The following C1orf50 variants were observed in gnomAD, a reference collection of about 807,000 sequenced individuals.
The protein encoded by C1orf50 is chromosome 1 open reading frame 50, also known as uncharacterized protein C1orf50.
C1orf50 carries 22 observed loss-of-function variants against 23.3 expected under a neutral mutation model. The observed-to-expected ratio is 0.94, with a 90% CI of 0.67 to 1.35. C1orf50 has a LOEUF of 1.35. C1orf50 is among the 40% of genes most tolerant of loss of function. C1orf50 has a pLI of 0.00. For missense variants in C1orf50, 271 were observed against 249.4 expected (o/e 1.09, Z -0.58); for synonymous variants, 96 against 102.4 (o/e 0.94, Z 0.38).
rs1194244463 is a variant in C1orf50, at chr1:42,775,190, C to T, written c.415-19C>T. On this transcript the variant is annotated intron_variant, in intron 4 of 4. Transcript: ENST00000372525. ...TTACAACCCACGCTGATGGGAACTG[C>T]CTCCTTTGCCTTCTCTAGGAATGGG... 1 of 1,582,874 alleles carries T rather than the reference C, an allele frequency of 6.3e-7. No individual in the cohort carries two copies. The highest frequency in any genetic ancestry group is 8.7e-7 in the Non-Finnish European group (1 of 1,154,422).
chr1:42,768,153 TG>T (rs1653127385), intron 2 of C1orf50, among the ~76,000 whole-genome samples: 1 of 152,172 alleles, frequency 6.6e-6, no homozygotes, highest in Admixed American at 6.5e-5. Context: ...TGTGAAATAA[TG>T]GAAAAAACAC....
At chr1:42,773,174 T>C (rs1653260128) in intron 2 of C1orf50, 1 of 155,056 alleles carries the variant, frequency 6.4e-6, no homozygotes, top group African/African-American at 2.4e-5. Context: ...GTGTGGTGTT[T>C]GTTAGGTAAA....
At chr1:42,768,818 C>G (rs901879451) in intron 2 of C1orf50, among the ~76,000 whole-genome samples, 1 of 152,022 alleles carries the variant, frequency 6.6e-6, no homozygotes, top group African/African-American at 2.4e-5. Context: ...AGAAAGAACA[C>G]AGTTTTTGTC....
Position 42,775,271 on chromosome 1 carries a change from C to G in C1orf50, c.477C>G (p.Ser159=). The stretch of plus-strand genomic sequence containing the variant: ...CCTACAAACTACAGCATGACTTGTC[C>G]TGGACTCCGTATGAGGACATTGAGA... ...LGAYKLQHDL[S]WTPYEDIEKQ... Residue 159 remains serine (S), a synonymous_variant, in exon 5 of 5, where the codon TCC becomes TCG. Coordinates refer to ENST00000372525, the MANE Select transcript of C1orf50 (RefSeq NM_024097.4). The G allele has an allele frequency of 6.2e-7, 1 of 1,612,522 alleles. No individual in the cohort carries two copies.
chr1:42,779,388 A>T lies in C1orf50; in HGVS notation c.*3994A>T, dbSNP rs1480970621. ...CAAGACTCCATCTCAAAAAAAAAAA[A>T]AAAAGAATCATAACATAGCATCTTA... On this transcript the variant is annotated 3_prime_UTR_variant, in exon 5 of 5. Coordinates refer to ENST00000372525, the MANE Select transcript of C1orf50 (RefSeq NM_024097.4). The T allele has an allele frequency of 6.6e-6, 1 of 152,124 alleles. No homozygotes were observed. Among genetic ancestry groups the T allele is most frequent in the African/African-American group, 2.4e-5 (1 of 41,418 alleles). 9.4% of individuals were successfully genotyped at this position (152,124 alleles called of 1,614,324 possible). A position where few individuals can be genotyped will look rare whatever the true frequency, so the allele number is the denominator to read the frequency against.
chr1:42,776,721 A>T lies in C1orf50; in HGVS notation c.*1327A>T, dbSNP rs1653347671. The T allele has an allele frequency of 6.6e-6, 1 of 152,234 alleles. No individual in the cohort carries two copies. Among genetic ancestry groups the T allele is most frequent in the Non-Finnish European group, 1.5e-5 (1 of 68,060 alleles). The allele number at this position is 152,234 out of a possible 1,614,324, so 9.4% of individuals were successfully genotyped here. A position where few individuals can be genotyped will look rare whatever the true frequency, so the allele number is the denominator to read the frequency against. The stretch of plus-strand genomic sequence containing the variant: ...GAATGCTCTTTGGACTCAGCTGCAG[A>T]GGTCTTTTGCTCAGGTGCTGCAGAG... On this transcript the variant is annotated 3_prime_UTR_variant, in exon 5 of 5. Transcript: ENST00000372525.
chr1:42,775,121 CA>C lies in C1orf50; in HGVS notation c.415-82del. 4.6e-6 allele frequency: 6 copies of C among 1,311,572 alleles called. No individual in the cohort carries two copies. The South Asian group carries it at 5.7e-5, about 13-fold the overall frequency. 81.2% of individuals were successfully genotyped at this position (1,311,572 alleles called of 1,614,324 possible). On this transcript the variant is annotated intron_variant, in intron 4 of 4. Coordinates refer to ENST00000372525, the MANE Select transcript of C1orf50 (RefSeq NM_024097.4). ...TTCTGACTAGTATGAAGTGAAAAGC[CA>C]AAAAAGAGATTGTGGCATGATTAGG...
chr1:42,774,838 T>C lies in C1orf50; in HGVS notation c.384T>C (p.Gly128=). The C allele has an allele frequency of 6.2e-7, 1 of 1,612,946 alleles. No individual in the cohort carries two copies. Among genetic ancestry groups the C allele is most frequent in the South Asian group, 1.1e-5 (1 of 91,066 alleles). The change falls in exon 4 of 5, where the codon GGT becomes GGC. Residue 128 remains glycine, a synonymous_variant. Coordinates refer to ENST00000372525, the MANE Select transcript of C1orf50 (RefSeq NM_024097.4). ...NIYYLYKRES[G]QQYFSIISPK... is the part of the protein sequence containing the mutation. The stretch of plus-strand genomic sequence containing the variant: ...ACTATCTCTATAAACGGGAGAGTGG[T>C]CAGCAGTATTTTTCCATCATTTCTC...
At chr1:42,772,792 A>G (rs921411270) in intron 2 of C1orf50, among the ~76,000 whole-genome samples, 2 of 148,226 alleles carry the variant, frequency 1.3e-5, no homozygotes, top group Non-Finnish European at 3.0e-5. Context: ...AAAAAAAAAA[A>G]TGTCCATTGC....
At position 42,779,276 on chromosome 1, in the gene C1orf50, C is replaced by G. The variant is rs1570498212; in HGVS notation, c.*3882C>G. The G allele has an allele frequency of 6.6e-6, 1 of 151,428 alleles. No homozygotes were observed. The highest frequency in any genetic ancestry group is 6.6e-5 in the Admixed American group (1 of 15,178). 9.4% of individuals were successfully genotyped at this position (151,428 alleles called of 1,614,324 possible). A position where few individuals can be genotyped will look rare whatever the true frequency, so the allele number is the denominator to read the frequency against. On this transcript the variant is annotated 3_prime_UTR_variant, in exon 5 of 5. Coordinates refer to ENST00000372525, the MANE Select transcript of C1orf50 (RefSeq NM_024097.4). ...CCTGTAATCCCAGCTACTCGGGAGG[C>G]TGAGGCAGGAGAATGTCGTGAACCT... is the stretch of plus-strand genomic sequence containing the variant.
At chr1:42,772,595 A>G (rs539893328) in intron 2 of C1orf50, among the ~76,000 whole-genome samples, 55 of 152,276 alleles carry the variant, frequency 3.6e-4, no homozygotes, top group African/African-American at 1.3e-3. Flanking sequence ...AGCCTGGACA[A>G]CATGGTGAAA....
At chr1:42,771,615 TATTTC>T (rs1158343914) in intron 2 of C1orf50, among the ~76,000 whole-genome samples, 1 of 152,104 alleles carries the variant, frequency 6.6e-6, no homozygotes, top group Non-Finnish European at 1.5e-5. Context: ...AAATGCAAAA[TATTTC>T]ATTAACAACT....
chr1:42,771,533 G>T (rs1485295321), intron 2 of C1orf50, among the ~76,000 whole-genome samples: 1 of 152,064 alleles, frequency 6.6e-6, no homozygotes, highest in Non-Finnish European at 1.5e-5. Flanking sequence ...ACTATATTTT[G>T]AAGGCTTAAT....
At chr1:42,773,260 A>G (rs539977335) in intron 2 of C1orf50, 2 of 215,666 alleles carry the variant, frequency 9.3e-6, no homozygotes, top group East Asian at 1.2e-4. Context: ...AGAAAGAGAG[A>G]AGGCATGCTG....
chr1:42,777,423 T>G lies in C1orf50; in HGVS notation c.*2029T>G, dbSNP rs1482351588. ...TTTCAATTCCACAAGGGTTGCTGGC[T>G]TCCGGGGTTCCACTAGCTGACTGTT... On this transcript the variant is annotated 3_prime_UTR_variant, in exon 5 of 5. Transcript: ENST00000372525. 1 of 152,298 alleles carries G rather than the reference T, an allele frequency of 6.6e-6. No individual in the cohort carries two copies. Among genetic ancestry groups the G allele is most frequent in the East Asian group, 1.9e-4 (1 of 5,202 alleles). The allele number at this position is 152,298 out of a possible 1,614,324, so 9.4% of individuals were successfully genotyped here. A position where few individuals can be genotyped will look rare whatever the true frequency, so the allele number is the denominator to read the frequency against.
chr1:42,774,656 C>A (rs1653296242), intron 3 of C1orf50, 81 bp from the exon 4 acceptor site: 1 of 1,494,840 alleles, frequency 6.7e-7, no homozygotes, highest in Non-Finnish European at 9.0e-7. Flanking sequence ...GAATGGTTTC[C>A]AAATTTTAAT....
Position 42,774,745 on chromosome 1 carries a change from A to G in C1orf50, c.291A>G (p.Glu97=). The part of the protein sequence containing the change: ...HLQEQARKVL[E]DAHRDANLHH... ...ATATCTGTGATTCATAGGTACTGGA[A>G]GATGCTCACAGAGATGCCAACCTGC... The change falls in exon 4 of 5, where the codon GAA becomes GAG. Residue 97 remains glutamate (E), a synonymous_variant. Transcript: ENST00000372525. 1 of 1,610,872 alleles carries G rather than the reference A, an allele frequency of 6.2e-7. No individual in the cohort carries two copies. Among genetic ancestry groups the G allele is most frequent in the Non-Finnish European group, 8.5e-7 (1 of 1,177,452 alleles).
In C1orf50 at chr1:42,778,695, G is replaced by GA. The variant is rs34636426; in HGVS notation, c.*3307dup. Reference sequence around the variant, plus strand: ...CTAGGAGATAGTTGAAGACAGGGAGGAAAAAACATTCCAGACAAAAAATAA... The same window carrying GA: ...CTAGGAGATAGTTGAAGACAGGGAGGAAAAAAACATTCCAGACAAAAAATAA... On this transcript the variant is annotated 3_prime_UTR_variant, in exon 5 of 5. Transcript: ENST00000372525. The GA allele has an allele frequency of 0.33, 50,177 of 151,912 alleles. 8,790 individuals are homozygous for GA. Among genetic ancestry groups the GA allele is most frequent in the East Asian group, 0.65 (3,349 of 5,168 alleles). 9.4% of individuals were successfully genotyped at this position (151,912 alleles called of 1,614,324 possible).
At position 42,777,966 on chromosome 1, in the gene C1orf50, A is replaced by G. The variant is rs1653372824; in HGVS notation, c.*2572A>G. The stretch of plus-strand genomic sequence containing the variant: ...TCTCCCTCACTCTTGACATTTCCTA[A>G]CCTAAAGAGTGGGAGAGTAGTGATT... On this transcript the variant is annotated 3_prime_UTR_variant, in exon 5 of 5. Coordinates refer to ENST00000372525, the MANE Select transcript of C1orf50 (RefSeq NM_024097.4). 1 of 151,870 alleles carries G rather than the reference A, an allele frequency of 6.6e-6. No individual in the cohort carries two copies. The highest frequency in any genetic ancestry group is 2.1e-4 in the South Asian group (1 of 4,816). The allele number at this position is 151,870 out of a possible 1,614,324, so 9.4% of individuals were successfully genotyped here.
Sources: gnomAD v4.1 joint callset for allele counts (sites outside exome capture counted in the v4.1 genomes callset) on GRCh38, gnomAD v4.1.1 for gene constraint, MANE v1.5 for transcripts, NCBI Gene and HGNC (gene_info 2026-07-23, HGNC 2026-07-21) for gene names.